Variants in CSMD1 observed in about 807,000 individuals in gnomAD.
CSMD1 encodes CUB and sushi domain-containing protein 1.
A neutral mutation model predicts 417.5 loss-of-function variants in CSMD1; 213 were observed. The ratio of observed to expected loss-of-function variants is 0.51; its 90% CI spans 0.46 to 0.57. The LOEUF (loss-of-function observed/expected upper bound fraction) is 0.57. CSMD1 is among the 20% of genes least tolerant of loss of function. CSMD1 has a pLI of 0.00. For synonymous variants in CSMD1, 2,862 were observed against 1,736.8 expected (o/e 1.65, Z -16.11); for missense variants, 6,923 against 4,529.7 (o/e 1.53, Z -15.17).
At chr8:3,299,694 G>A (rs1319202007) in intron 25 of CSMD1, among the ~76,000 whole-genome samples, 1 of 152,130 alleles carries the variant, frequency 6.6e-6, no homozygotes, top group African/African-American at 2.4e-5. Flanking sequence ...AATGCAGGTG[G>A]GAGGTGAAGT....
At chr8:3,426,414 T>G (rs1050624575) in intron 12 of CSMD1, among the ~76,000 whole-genome samples, 1 of 152,170 alleles carries the variant, frequency 6.6e-6, no homozygotes, top group Non-Finnish European at 1.5e-5. Context: ...TTCTCTAACT[T>G]TGCTTTTTTA....
intron 26 of CSMD1, among the ~76,000 whole-genome samples, chr8:3,283,182 G>C (rs1802868644): frequency 6.6e-6 from 1 of 152,056 alleles, no homozygotes; most frequent in Non-Finnish European, 1.5e-5. Context: ...TTATCCCTAA[G>C]GTGGAAAAAA....
chr8:3,902,423 T>C (rs1215530034), intron 5 of CSMD1, among the ~76,000 whole-genome samples: 2 of 152,162 alleles, frequency 1.3e-5, no homozygotes, highest in Admixed American at 1.3e-4. Flanking sequence ...CCATCTTTTT[T>C]GCTACCAGGG....
intron 3 of CSMD1, among the ~76,000 whole-genome samples, chr8:4,176,347 T>C (rs1419490085): frequency 2.0e-5 from 3 of 152,116 alleles, no homozygotes; most frequent in Non-Finnish European, 2.9e-5. Context: ...AAATTGAAAA[T>C]AAATTAGTAT....
At chr8:2,940,564 C>T (rs544770966) in intron 69 of CSMD1, among the ~76,000 whole-genome samples, 5 of 152,298 alleles carry the variant, frequency 3.3e-5, no homozygotes, top group East Asian at 1.9e-4. Context: ...ACCGCCTTCA[C>T]GGAGACACCC....
intron 3 of CSMD1, among the ~76,000 whole-genome samples, chr8:4,186,719 G>A (rs115600675): frequency 4.6e-5 from 7 of 151,766 alleles, no homozygotes; most frequent in East Asian, 1.9e-4. Flanking sequence ...GCGTACGGTC[G>A]CTCACACCTG....
chr8:3,578,458 A>G (rs1415654064), intron 9 of CSMD1, among the ~76,000 whole-genome samples: 1 of 152,180 alleles, frequency 6.6e-6, no homozygotes, highest in Non-Finnish European at 1.5e-5. Flanking sequence ...CAGTGCACGC[A>G]GGCCCTTGCA....
chr8:4,721,626 G>A (rs1179624220), intron 1 of CSMD1, among the ~76,000 whole-genome samples: 2 of 152,200 alleles, frequency 1.3e-5, no homozygotes, highest in African/African-American at 2.4e-5. Flanking sequence ...GATTGGTATA[G>A]CCAATAATGG....
rs1800245794 is a variant in CSMD1 at position 4,467,376 on chromosome 8, C to G, written c.303-47311G>C. 1.3e-5 allele frequency among the ~76,000 whole-genome samples: 2 copies of G among 152,080 alleles called. 1 individual carries two copies. The highest frequency in any genetic ancestry group is 1.3e-4 in the Admixed American group (2 of 15,264). Reference sequence around the variant, plus strand: ...CCTGCACCTGGATCAATTCAAATGTCCTCATTCCCTGCTCATCTCCTCCAT... The same window carrying G: ...CCTGCACCTGGATCAATTCAAATGTGCTCATTCCCTGCTCATCTCCTCCAT... On this transcript the variant is annotated intron_variant, in intron 2 of 69. Transcript: ENST00000635120.
chr8:3,699,511 C>T (rs912466295), intron 7 of CSMD1, among the ~76,000 whole-genome samples: 1 of 152,202 alleles, frequency 6.6e-6, no homozygotes, highest in Non-Finnish European at 1.5e-5. Flanking sequence ...TCACATGGCC[C>T]TGCTTTCCTA....
chr8:4,352,119 G>C (rs982543251), intron 3 of CSMD1, among the ~76,000 whole-genome samples: 2 of 152,038 alleles, frequency 1.3e-5, no homozygotes, highest in African/African-American at 4.8e-5. Flanking sequence ...AGAGAATGAG[G>C]TGGACTGGCC....
At chr8:4,145,966 T>A (rs1334946784) in intron 3 of CSMD1, among the ~76,000 whole-genome samples, 1 of 150,942 alleles carries the variant, frequency 6.6e-6, no homozygotes, top group East Asian at 1.9e-4. Flanking sequence ...GTTACCGCTG[T>A]CATTTGTAGA....
At chr8:3,507,899 G>A (rs1044877951) in intron 10 of CSMD1, among the ~76,000 whole-genome samples, 1 of 151,974 alleles carries the variant, frequency 6.6e-6, no homozygotes, top group Admixed American at 6.6e-5. Flanking sequence ...TGTAGATTCT[G>A]GATATTAGCC....
At chr8:3,555,200 G>A (rs1246826564) in intron 10 of CSMD1, among the ~76,000 whole-genome samples, 1 of 152,022 alleles carries the variant, frequency 6.6e-6, no homozygotes, top group Non-Finnish European at 1.5e-5. Flanking sequence ...TGTAGGGAAA[G>A]ATGGACGGGA....
chr8:4,993,622 G>T (rs375853942), intron 1 of CSMD1, among the ~76,000 whole-genome samples: 6 of 152,248 alleles, frequency 3.9e-5, no homozygotes, highest in East Asian at 3.9e-4. Context: ...ATACCCGTGC[G>T]CCCACAGTGA....
intron 3 of CSMD1, among the ~76,000 whole-genome samples, chr8:4,164,650 C>T (rs914139636): frequency 1.3e-5 from 2 of 152,090 alleles, no homozygotes; most frequent in Non-Finnish European, 2.9e-5. Context: ...GTCCCTCACA[C>T]AAGACACGAT....
chr8:3,507,705 T>C (rs868786783), intron 10 of CSMD1, among the ~76,000 whole-genome samples: 6 of 152,208 alleles, frequency 3.9e-5, no homozygotes, highest in Non-Finnish European at 7.3e-5. Flanking sequence ...TTCTAACTGG[T>C]ATGAGATGGT....
chr8:3,257,249 G>A (rs887212138), intron 26 of CSMD1, among the ~76,000 whole-genome samples: 3 of 152,166 alleles, frequency 2.0e-5, no homozygotes, highest in Non-Finnish European at 4.4e-5. Context: ...GCTTCAACCT[G>A]GGAGGCAGAG....
intron 1 of CSMD1, among the ~76,000 whole-genome samples, chr8:4,638,233 T>C (rs1042840674): frequency 2.6e-5 from 4 of 152,138 alleles, no homozygotes; most frequent in African/African-American, 9.7e-5. Flanking sequence ...CTAAATTCTT[T>C]GTTGGTGGAA....
Sources: allele counts gnomAD v4.1 joint callset (sites outside exome capture counted in the v4.1 genomes callset), GRCh38; gene constraint gnomAD v4.1.1; transcripts MANE v1.5; gene names NCBI Gene and HGNC (gene_info 2026-07-23, HGNC 2026-07-21).